The following RALY variants were observed in gnomAD, a reference collection of about 807,000 sequenced individuals.
RALY encodes the protein RNA-binding protein Raly.
Under a neutral mutation model 30.7 loss-of-function variants are expected in RALY, and 15 were observed. The ratio of observed to expected loss-of-function variants is 0.49; its 90% CI spans 0.33 to 0.75. RALY has a LOEUF of 0.75. Among genes scored for constraint, RALY ranks in the 30% least tolerant of loss-of-function variants. RALY has a pLI of 0.02. For synonymous variants in RALY, 177 were observed against 170.8 expected (o/e 1.04, Z -0.28); for missense variants, 339 against 414.3 (o/e 0.82, Z 1.58).
chr20:34,028,656 A>C (rs1023028640), intron 1 of RALY, among the ~76,000 whole-genome samples: 3 of 132,948 alleles, frequency 2.3e-5, no homozygotes, highest in Non-Finnish European at 4.7e-5. Context: ...GTGAGCCTAG[A>C]TCGTGTCACT....
At chr20:34,024,286 C>T (rs749582240) in intron 1 of RALY, among the ~76,000 whole-genome samples, 1 of 152,156 alleles carries the variant, frequency 6.6e-6, no homozygotes, top group Non-Finnish European at 1.5e-5. Context: ...ATTCTCACTT[C>T]CAGCTCAAGA....
chr20:34,022,094 CTT>C (rs1193826286), intron 1 of RALY, among the ~76,000 whole-genome samples: 14 of 135,082 alleles, frequency 1.0e-4, no homozygotes, highest in Non-Finnish European at 1.1e-4. Flanking sequence ...TTCTTTCTTT[CTT>C]TTTTTTTTTT....
rs184272612 is a variant in RALY at position 34,033,825 on chromosome 20, G to A, written c.-10+2221G>A. 1.4e-3 allele frequency among the ~76,000 whole-genome samples: 216 copies of A among 152,232 alleles called. 2 individuals are homozygous for A. The highest frequency in any genetic ancestry group is 3.5e-3 in the Admixed American group (53 of 15,296). ...CCATTCCCCAAAAGTAAACGGGAGG[G>A]TTTTCCTTTGGAAATTTTCACTGTA... is the stretch of plus-strand genomic sequence containing the variant. On this transcript the variant is annotated intron_variant, in intron 2 of 9. Transcript: ENST00000246194.
chr20:34,019,419 C>T (rs2031732083), intron 1 of RALY, among the ~76,000 whole-genome samples: 1 of 152,126 alleles, frequency 6.6e-6, no homozygotes, highest in Non-Finnish European at 1.5e-5. Context: ...GATGCCTGGT[C>T]TTGGCCTCTG....
chr20:34,080,569 G>T lies in RALY; in HGVS notation c.*664G>T, dbSNP rs2034013161. The T allele has an allele frequency of 6.6e-6, 1 of 152,282 alleles. No homozygotes were observed. 9.4% of individuals were successfully genotyped at this position (152,282 alleles called of 1,614,324 possible). On this transcript the variant is annotated 3_prime_UTR_variant, in exon 10 of 10. Transcript: ENST00000246194. ...CTTAAAAGGATTCTAGAGTCTGCCA[G>T]TCTCTACCTTCTCTCTTCTGGCTTA...
chr20:34,021,972 C>T (rs1214338071), intron 1 of RALY, among the ~76,000 whole-genome samples: 2 of 150,904 alleles, frequency 1.3e-5, no homozygotes, highest in East Asian at 3.9e-4. Flanking sequence ...CCAGGCTGGT[C>T]CTCAACTCCT....
At chr20:33,997,684 C>T (rs2030705671) in intron 1 of RALY, among the ~76,000 whole-genome samples, 1 of 152,178 alleles carries the variant, frequency 6.6e-6, no homozygotes, top group African/African-American at 2.4e-5. Context: ...TCACTGCTTG[C>T]AGTTGGTTAA....
intron 1 of RALY, among the ~76,000 whole-genome samples, chr20:33,996,603 A>T (rs1294884331): frequency 6.6e-6 from 1 of 150,426 alleles, no homozygotes; most frequent in Non-Finnish European, 1.5e-5. Context: ...TATAACCTTA[A>T]AGCTGGCATG....
intron 2 of RALY, among the ~76,000 whole-genome samples, chr20:34,038,525 A>T (rs867747047): frequency 6.6e-6 from 1 of 152,190 alleles, no homozygotes. Context: ...GTATTATTTG[A>T]GTCTCCACTA....
At chr20:34,032,502 T>G (rs1357031259) in intron 2 of RALY, among the ~76,000 whole-genome samples, 1 of 85,988 alleles carries the variant, frequency 1.2e-5, no homozygotes, top group Non-Finnish European at 2.2e-5. Flanking sequence ...AAATCCCTTT[T>G]TGTGTGTTGG....
intron 1 of RALY, among the ~76,000 whole-genome samples, chr20:34,029,380 G>A (rs1292907194): frequency 1.3e-5 from 2 of 151,788 alleles, no homozygotes; most frequent in African/African-American, 2.4e-5. Flanking sequence ...GGGGGTTGCA[G>A]TGAGCCAAGA....
intron 2 of RALY, among the ~76,000 whole-genome samples, chr20:34,032,281 C>A (rs1476706490): frequency 1.3e-5 from 2 of 152,070 alleles, no homozygotes; most frequent in African/African-American, 4.8e-5. Context: ...ACTTTCTTAG[C>A]TTTAGTTTTT....
intron 2 of RALY, among the ~76,000 whole-genome samples, chr20:34,067,076 G>A (rs907027125): frequency 6.6e-6 from 1 of 152,180 alleles, no homozygotes; most frequent in Admixed American, 6.5e-5. Context: ...CTATTAACCA[G>A]TTACCTTGCT....
intron 2 of RALY, among the ~76,000 whole-genome samples, chr20:34,058,277 G>A (rs1324098401): frequency 1.3e-5 from 2 of 152,094 alleles, no homozygotes; most frequent in East Asian, 1.9e-4. Context: ...GTTGGCTTTC[G>A]TTTGATGCTT....
intron 2 of RALY, among the ~76,000 whole-genome samples, chr20:34,050,038 C>T (rs914469082): frequency 1.4e-4 from 22 of 152,246 alleles, no homozygotes; most frequent in East Asian, 3.9e-4. Context: ...AGATCATGTG[C>T]GCCCGTGCTC....
rs1160423104 is a variant in RALY at position 34,076,728 on chromosome 20, A to C, written c.571A>C (p.Lys191Gln). ...KLKSSELQAIKTELTQIKSNI... is the reference protein window; with the variant it reads ...KLKSSELQAIQTELTQIKSNI... ...AAAGAGCAGTGAGCTGCAGGCCATC[A>C]AGACGGAGCTGACACAGATCAAGTC... The change falls in exon 7 of 10, where the codon AAG becomes CAG. Residue 191 changes from lysine to glutamine, a missense_variant. Transcript: ENST00000246194. The C allele has an allele frequency of 6.2e-7, 1 of 1,614,138 alleles. No individual in the cohort carries two copies.
chr20:34,077,230 C>A lies in RALY; in HGVS notation c.861C>A (p.His287Gln). Residue 287 changes from histidine (H) to glutamine (Q), a missense_variant, in exon 8 of 10, where the codon CAC (histidine) becomes CAA (glutamine). Transcript: ENST00000246194. ...GCGATGAGGAAGGGCTCCTGACACA[C>A]AGCGAGGAAGAGCTGGTGAGGGCCT... ...DDGDEEGLLTHSEEELEHSQD... is the reference protein window; with the variant it reads ...DDGDEEGLLTQSEEELEHSQD... 1.9e-6 allele frequency: 3 copies of A among 1,613,804 alleles called. No individual in the cohort carries two copies. The highest frequency in any genetic ancestry group is 2.5e-6 in the Non-Finnish European group (3 of 1,179,854).
At chr20:34,035,012 G>A (rs571322653) in intron 2 of RALY, among the ~76,000 whole-genome samples, 4 of 152,018 alleles carry the variant, frequency 2.6e-5, no homozygotes, top group Non-Finnish European at 5.9e-5. Flanking sequence ...AATTAGCCAG[G>A]TGTGGTGGCG....
In RALY at chr20:34,015,935, C is replaced by T. The variant is rs116304922; in HGVS notation, c.-92-15587C>T. On this transcript the variant is annotated intron_variant, in intron 1 of 9. Transcript: ENST00000246194. ...CCTTACACTTTCAAGCCATCTATTCCTCCTCCTCCCGTATGTGCACACATT... is the reference window on the plus strand; with the variant it reads ...CCTTACACTTTCAAGCCATCTATTCTTCCTCCTCCCGTATGTGCACACATT... Among the ~76,000 whole-genome samples the T allele has an allele frequency of 1.8e-3, 268 of 152,190 alleles. 1 individual carries two copies. Among genetic ancestry groups the T allele is most frequent in the African/African-American group, 6.1e-3 (252 of 41,518 alleles).
Sources: gnomAD v4.1 joint callset for allele counts (sites outside exome capture counted in the v4.1 genomes callset) on GRCh38, gnomAD v4.1.1 for gene constraint, MANE v1.5 for transcripts, NCBI Gene and HGNC (gene_info 2026-07-23, HGNC 2026-07-21) for gene names.